LMTK2: variants seen among roughly 807,000 people sequenced by gnomAD.
LMTK2 encodes serine/threonine-protein kinase LMTK2.
In LMTK2, 37 loss-of-function variants were observed where a neutral mutation model predicts 127.5. That is an observed-to-expected ratio of 0.29 (90% CI 0.22 to 0.38). The LOEUF (loss-of-function observed/expected upper bound fraction) is 0.38, where lower values mean the gene tolerates loss of function less well. Among genes scored for constraint, LMTK2 ranks in the 10% least tolerant of loss-of-function variants. The probability of loss-of-function intolerance (pLI) is 1.00; values close to 1 mark genes in which losing one functional copy is unlikely to be tolerated. For missense variants in LMTK2, 1,694 were observed against 1,920.3 expected (o/e 0.88, Z 2.20); for synonymous variants, 819 against 810.1 (o/e 1.01, Z -0.19).
rs1231717730 is a variant in LMTK2, at chr7:98,106,916, C to G, written c.-262C>G. On this transcript the variant is annotated 5_prime_UTR_variant, in exon 1 of 14. Transcript: ENST00000297293. ...GGAGCGCGGCTTCCCAGGCCCGCCG[C>G]TCCGCAGGGCTGCTGGCGTTGCTGC... 1 of 445,540 alleles carries G rather than the reference C, an allele frequency of 2.2e-6. No individual in the cohort carries two copies. Among genetic ancestry groups the G allele is most frequent in the African/African-American group, 2.1e-5 (1 of 48,754 alleles). The allele number at this position is 445,540 out of a possible 1,614,324, so 27.6% of individuals were successfully genotyped here. A position where few individuals can be genotyped will look rare whatever the true frequency, so the allele number is the denominator to read the frequency against.
rs537564152 is a variant in LMTK2 at position 98,171,809 on chromosome 7, C to T, written c.791+135C>T. On this transcript the variant is annotated intron_variant, in intron 7 of 13. Transcript: ENST00000297293. The surrounding 1 kb of genome is among the most constrained non-coding windows in gnomAD (Gnocchi z 5.1). Reference sequence around the variant, plus strand: ...CAGCTCATGTAGGTAGAAGCGATCTCGTTCTTACCCATGTCCGGATAAGGG... The same window carrying T: ...CAGCTCATGTAGGTAGAAGCGATCTTGTTCTTACCCATGTCCGGATAAGGG... 1.3e-5 allele frequency: 13 copies of T among 962,966 alleles called. No homozygotes were observed. Among genetic ancestry groups the T allele is most frequent in the African/African-American group, 3.3e-5 (2 of 60,264 alleles). 59.7% of individuals were successfully genotyped at this position (962,966 alleles called of 1,614,324 possible).
intron 11 of LMTK2, among the ~76,000 whole-genome samples, chr7:98,199,093 C>T (rs1358222741): frequency 6.6e-6 from 1 of 151,964 alleles, no homozygotes; most frequent in Non-Finnish European, 1.5e-5. Flanking sequence ...AATATGGTTT[C>T]AATGCTTTTA....
intron 11 of LMTK2, among the ~76,000 whole-genome samples, chr7:98,201,996 G>T (rs533632784): frequency 6.6e-6 from 1 of 152,272 alleles, no homozygotes; most frequent in Admixed American, 6.5e-5. Context: ...AAGTTTTCAG[G>T]CATTCTTTTC....
chr7:98,186,357 G>A (rs1025225472), intron 8 of LMTK2, among the ~76,000 whole-genome samples: 8 of 152,008 alleles, frequency 5.3e-5, no homozygotes, highest in African/African-American at 1.9e-4. Flanking sequence ...CACCGAGCCC[G>A]GCCTGCATCA....
Position 98,154,765 on chromosome 7 carries a change from T to C in LMTK2, c.458T>C (p.Leu153Ser). The change falls in exon 5 of 14, where the codon TTG becomes TCG. Residue 153 changes from leucine to serine, a missense_variant. This residue lies in a region of LMTK2 where 203 missense variants were observed against 226.2 expected (regional missense o/e 0.90). Coordinates refer to ENST00000297293, the MANE Select transcript of LMTK2 (RefSeq NM_014916.4). Reference protein sequence around the residue: ...IGNGWFGKVLLGEIYTGTSVA... With the variant: ...IGNGWFGKVLSGEIYTGTSVA... The stretch of plus-strand genomic sequence containing the variant: ...ACTGTTCTTTGATTTTAGGTTCTCT[T>C]GGGAGAGATTTACACGGGCACTAGC... The C allele has an allele frequency of 6.2e-7, 1 of 1,606,598 alleles. No homozygotes were observed. The highest frequency in any genetic ancestry group is 8.5e-7 in the Non-Finnish European group (1 of 1,173,658).
At chr7:98,129,686 C>G (rs544613408) in intron 1 of LMTK2, among the ~76,000 whole-genome samples, 1 of 152,242 alleles carries the variant, frequency 6.6e-6, no homozygotes, top group East Asian at 1.9e-4. Context: ...TTCTGTGATC[C>G]GGTAGGTTGG....
chr7:98,138,136 G>A (rs192625228), intron 2 of LMTK2, among the ~76,000 whole-genome samples: 29 of 152,200 alleles, frequency 1.9e-4, no homozygotes, highest in African/African-American at 5.8e-4. Flanking sequence ...GAGTGCATTC[G>A]GCCTATGTAA....
At chr7:98,148,336 A>C (rs970405525) in intron 3 of LMTK2, among the ~76,000 whole-genome samples, 4 of 150,516 alleles carry the variant, frequency 2.7e-5, no homozygotes, top group Admixed American at 2.0e-4. Context: ...CCAAAAATAC[A>C]AAAAAAGTTA....
intron 7 of LMTK2, among the ~76,000 whole-genome samples, chr7:98,183,025 T>C (rs977208338): frequency 2.6e-5 from 4 of 152,160 alleles, no homozygotes; most frequent in African/African-American, 9.7e-5. Flanking sequence ...TTTGTAGCAA[T>C]AAGACACCAT....
At chr7:98,128,255 T>C (rs182256214) in intron 1 of LMTK2, among the ~76,000 whole-genome samples, 1 of 152,292 alleles carries the variant, frequency 6.6e-6, no homozygotes, top group East Asian at 1.9e-4. Context: ...ATAACTGTAT[T>C]TGGAGATAGG....
At chr7:98,196,809 C>T (rs1016970529) in intron 11 of LMTK2, among the ~76,000 whole-genome samples, 3 of 152,146 alleles carry the variant, frequency 2.0e-5, no homozygotes, top group Admixed American at 6.5e-5. Context: ...GCTTAATGGA[C>T]GCGAGGCTTT....
At chr7:98,202,981 C>T (rs541229731) in intron 11 of LMTK2, among the ~76,000 whole-genome samples, 2 of 152,324 alleles carry the variant, frequency 1.3e-5, no homozygotes, top group South Asian at 2.1e-4. Context: ...GAAAAAAACT[C>T]AGCGAGGGTC....
chr7:98,130,199 G>A (rs748871263), intron 1 of LMTK2, among the ~76,000 whole-genome samples: 8 of 152,082 alleles, frequency 5.3e-5, no homozygotes, highest in Non-Finnish European at 1.2e-4. Context: ...TGATGGAGTC[G>A]GGGCTGGGAG....
intron 4 of LMTK2, among the ~76,000 whole-genome samples, chr7:98,154,018 T>C (rs917647324): frequency 5.3e-5 from 8 of 152,250 alleles, no homozygotes; most frequent in Non-Finnish European, 1.2e-4. Flanking sequence ...GGAACTATTT[T>C]AAAAGAAGTA....
At chr7:98,184,984 G>T in intron 7 of LMTK2, 67 bp from the exon 8 acceptor site, 2 of 1,130,894 alleles carry the variant, frequency 1.8e-6, no homozygotes, top group Non-Finnish European at 1.3e-6. Context: ...CATTTCTGTG[G>T]CATTTCCATA....
intron 10 of LMTK2, among the ~76,000 whole-genome samples, chr7:98,191,349 C>A (rs1047951637): frequency 1.3e-5 from 2 of 151,980 alleles, no homozygotes; most frequent in Non-Finnish European, 1.5e-5. Context: ...GTGAGGAGTT[C>A]AAGACCAGCC....
chr7:98,192,686 C>T lies in LMTK2; in HGVS notation c.2221C>T (p.His741Tyr). 2 of 1,611,182 alleles carry T rather than the reference C, an allele frequency of 1.2e-6. No homozygotes were observed. Among genetic ancestry groups the T allele is most frequent in the African/African-American group, 1.3e-5 (1 of 74,814 alleles). Residue 741 changes from histidine to tyrosine, a missense_variant, in exon 11 of 14, where the codon CAC becomes TAC. Transcript: ENST00000297293. ...LLKGSLSSKEHINDLQTELKN... is the reference protein window; with the variant it reads ...LLKGSLSSKEYINDLQTELKN... ...AAAAGGCTCATTGTCCAGCAAAGAA[C>T]ACATAAATGATCTTCAGACAGAACT...
intron 5 of LMTK2, among the ~76,000 whole-genome samples, chr7:98,157,292 GGTA>G (rs1796940471): frequency 6.7e-6 from 1 of 148,830 alleles, no homozygotes; most frequent in South Asian, 2.1e-4. Context: ...TAGGTAGGTA[GGTA>G]GGTAGATTAT....
chr7:98,189,154 C>T (rs943696336), intron 9 of LMTK2, among the ~76,000 whole-genome samples: 5 of 152,054 alleles, frequency 3.3e-5, no homozygotes, highest in African/African-American at 1.2e-4. Context: ...CTGTGAGGAC[C>T]CCAGGCGACC....
Sources: allele counts gnomAD v4.1 joint callset (sites outside exome capture counted in the v4.1 genomes callset), GRCh38; gene constraint gnomAD v4.1.1; regional missense constraint gnomAD v4.1.1; non-coding constraint Gnocchi (gnomAD v3.1); transcripts MANE v1.5; gene names NCBI Gene and HGNC (gene_info 2026-07-23, HGNC 2026-07-21).